Variants in PCDHA3 observed in about 807,000 individuals in gnomAD.
PCDHA3 encodes the protein protocadherin alpha 3.
A neutral mutation model predicts 62.2 loss-of-function variants in PCDHA3; 41 were observed. The observed-to-expected ratio is 0.66, with a 90% confidence interval of 0.51 to 0.86. The LOEUF is 0.86. PCDHA3 is among the 40% of genes least tolerant of loss of function. The probability of loss-of-function intolerance (pLI) is 0.00; values close to 1 mark genes in which losing one functional copy is unlikely to be tolerated. For missense variants in PCDHA3, 1,304 were observed against 1,241.2 expected (o/e 1.05, Z -0.76); for synonymous variants, 640 against 555.4 (o/e 1.15, Z -2.14).
chr5:140,920,559 C>T (rs2153557837), intron 1 of PCDHA3, among the ~76,000 whole-genome samples: 2 of 152,226 alleles, frequency 1.3e-5, no homozygotes, highest in South Asian at 4.1e-4. Context: ...GAAGTGTGGC[C>T]CTTAGGCCAG....
chr5:140,843,456 T>G (rs2150360448), intron 1 of PCDHA3: 3 of 1,595,898 alleles, frequency 1.9e-6, no homozygotes, highest in Admixed American at 3.4e-5. Flanking sequence ...AGCCTGCTGG[T>G]GCTCACGCTG....
chr5:140,968,949 T>C, intron 1 of PCDHA3: 1 of 1,614,180 alleles, frequency 6.2e-7, no homozygotes, highest in Non-Finnish European at 8.5e-7. Flanking sequence ...ATTTTGAGCA[T>C]CATCAAGTGC....
chr5:140,952,813 G>A (rs1162015418), intron 1 of PCDHA3, among the ~76,000 whole-genome samples: 1 of 152,158 alleles, frequency 6.6e-6, no homozygotes, highest in African/African-American at 2.4e-5. Context: ...TCTGCAGGCT[G>A]TACAGGAAGC....
chr5:140,845,266 T>G (rs1779777521), intron 1 of PCDHA3, among the ~76,000 whole-genome samples: 1 of 149,636 alleles, frequency 6.7e-6, no homozygotes, highest in Non-Finnish European at 1.5e-5. Context: ...TGTTTTCCTT[T>G]GTGAAAGTAA....
intron 1 of PCDHA3, chr5:140,811,413 G>T (rs1764863372): frequency 6.6e-6 from 1 of 152,162 alleles, no homozygotes; most frequent in Non-Finnish European, 1.5e-5. Flanking sequence ...TATCATTGAT[G>T]GACATTTGGG....
At chr5:140,842,744 T>C in intron 1 of PCDHA3, 1 of 1,595,066 alleles carries the variant, frequency 6.3e-7, no homozygotes, top group East Asian at 2.2e-5. Context: ...CTGCCACATC[T>C]TCACGGTGTC....
intron 1 of PCDHA3, among the ~76,000 whole-genome samples, chr5:140,956,692 C>T (rs246012): frequency 0.56 from 85,656 of 151,960 alleles, 24,760 homozygotes; most frequent in African/African-American, 0.69. Context: ...CCTCCTTTTC[C>T]ATTGTTTGGA....
In PCDHA3 at chr5:140,862,738, T is replaced by C. The variant is rs189052602; in HGVS notation, c.2394+59147T>C. 560 of 577,110 alleles carry C rather than the reference T, an allele frequency of 9.7e-4. 3 individuals are homozygous for C. The highest frequency in any genetic ancestry group is 1.5e-3 in the Non-Finnish European group (445 of 297,984). 35.7% of individuals were successfully genotyped at this position (577,110 alleles called of 1,614,324 possible). ...CGAGTGCGCGCTGTCTAGCTATGTG[T>C]GGGTGCACGCGGAGAGCGGCAAGAG... On this transcript the variant is annotated intron_variant, in intron 1 of 3. Coordinates refer to ENST00000522353, the MANE Select transcript of PCDHA3 (RefSeq NM_018906.3).
intron 1 of PCDHA3, among the ~76,000 whole-genome samples, chr5:140,944,291 G>T (rs155813): frequency 6.6e-6 from 1 of 151,928 alleles, no homozygotes; most frequent in African/African-American, 2.4e-5. Flanking sequence ...GGGCTCAAGC[G>T]ATCCTCCTAC....
chr5:140,870,455 C>A, intron 1 of PCDHA3: 6 of 1,614,246 alleles, frequency 3.7e-6, no homozygotes, highest in Non-Finnish European at 5.1e-6. Context: ...AACGACAATG[C>A]GCCTGCGTTC....
intron 1 of PCDHA3, chr5:140,807,967 G>C: frequency 6.2e-7 from 1 of 1,612,546 alleles, no homozygotes. Flanking sequence ...ATGGAACATT[G>C]GTAATTAAAC....
At chr5:140,882,137 A>G in intron 1 of PCDHA3, 1 of 1,489,212 alleles carries the variant, frequency 6.7e-7, no homozygotes. Flanking sequence ...CCTGCAGAAA[A>G]TATAGCAGAA....
intron 1 of PCDHA3, chr5:140,966,944 A>C: frequency 6.2e-7 from 1 of 1,603,894 alleles, no homozygotes; most frequent in Non-Finnish European, 8.5e-7. Context: ...GCTCGTGGGC[A>C]ACGTGGCTCG....
intron 1 of PCDHA3, among the ~76,000 whole-genome samples, chr5:140,961,697 T>A (rs1326642906): frequency 6.6e-6 from 1 of 152,232 alleles, no homozygotes; most frequent in Non-Finnish European, 1.5e-5. Flanking sequence ...GTCCTTAGTA[T>A]GAATGCCTTC....
chr5:140,822,693 A>G, intron 1 of PCDHA3: 1 of 1,609,820 alleles, frequency 6.2e-7, no homozygotes, highest in African/African-American at 1.3e-5. Context: ...TTAACGGGGA[A>G]CTGGATTATG....
At chr5:140,877,828 C>T (rs781916987) in intron 1 of PCDHA3, 19 of 1,599,838 alleles carry the variant, frequency 1.2e-5, no homozygotes, top group Non-Finnish European at 1.5e-5. Flanking sequence ...TTGTTTAAAT[C>T]CTCCCAGTGA....
chr5:140,982,689 T>A, intron 3 of PCDHA3, 126 bp downstream of exon 3: 1 of 1,413,688 alleles, frequency 7.1e-7, no homozygotes, highest in Non-Finnish European at 9.3e-7. Context: ...CTTTTTTCCA[T>A]ACATACATGA....
At chr5:140,909,866 A>G (rs1203006388) in intron 1 of PCDHA3, among the ~76,000 whole-genome samples, 2 of 152,212 alleles carry the variant, frequency 1.3e-5, no homozygotes, top group African/African-American at 2.4e-5. Context: ...CCTGGAGTCA[A>G]CGTCAGCTTA....
intron 1 of PCDHA3, among the ~76,000 whole-genome samples, chr5:140,886,636 G>A (rs555391002): frequency 2.6e-5 from 4 of 151,866 alleles, no homozygotes; most frequent in Non-Finnish European, 4.4e-5. Flanking sequence ...GACCAGCCTG[G>A]CCAACATGGT....
Sources: allele counts gnomAD v4.1 joint callset (sites outside exome capture counted in the v4.1 genomes callset), GRCh38; gene constraint gnomAD v4.1.1; transcripts MANE v1.5; gene names NCBI Gene and HGNC (gene_info 2026-07-23, HGNC 2026-07-21).